Variants in LINGO2 observed in about 807,000 individuals in gnomAD.
LINGO2 encodes the protein leucine rich repeat and Ig domain containing 2.
In LINGO2, 14 loss-of-function variants were observed where a neutral mutation model predicts 30.6. The observed-to-expected ratio is 0.46, with a 90% CI of 0.30 to 0.72. The LOEUF (loss-of-function observed/expected upper bound fraction) is 0.72. LINGO2 is among the 30% of genes least tolerant of loss of function. The pLI is 0.07. For synonymous variants in LINGO2, 317 were observed against 288.5 expected (o/e 1.10, Z -1.00); for missense variants, 729 against 751.7 (o/e 0.97, Z 0.35).
the LINGO2 span, among the ~76,000 whole-genome samples, chr9:29,156,567 A>C: frequency 6.6e-6 from 1 of 152,118 alleles, no homozygotes. Flanking sequence ...AGTATCAATA[A>C]ATAAGGCTAA....
chr9:28,633,076 T>G (rs1163342999), intron 1 of LINGO2, among the ~76,000 whole-genome samples: 1 of 151,500 alleles, frequency 6.6e-6, no homozygotes, highest in Non-Finnish European at 1.5e-5. Context: ...AGGAGAAAGA[T>G]GTAGACTAGG....
At chr9:27,977,350 A>G (rs1338540151) in intron 5 of LINGO2, among the ~76,000 whole-genome samples, 1 of 151,844 alleles carries the variant, frequency 6.6e-6, no homozygotes, top group African/African-American at 2.4e-5. Context: ...TTTTTGGATG[A>G]CTAATTAATT....
intron 4 of LINGO2, among the ~76,000 whole-genome samples, chr9:28,061,718 A>C (rs1825150343): frequency 6.6e-6 from 1 of 152,064 alleles, no homozygotes; most frequent in South Asian, 2.1e-4. Flanking sequence ...TTTTTCACTC[A>C]AGCTTCCTGA....
At chr9:29,140,567 T>C in the LINGO2 span, among the ~76,000 whole-genome samples, 1 of 151,576 alleles carries the variant, frequency 6.6e-6, no homozygotes, top group African/African-American at 2.4e-5. Context: ...GTATATATTA[T>C]GGAAGTCTCA....
At chr9:28,183,118 G>T (rs981753723) in intron 4 of LINGO2, among the ~76,000 whole-genome samples, 1 of 152,168 alleles carries the variant, frequency 6.6e-6, no homozygotes, top group Non-Finnish European at 1.5e-5. Context: ...AGAATACTGT[G>T]CAGCCATAAA....
the LINGO2 span, among the ~76,000 whole-genome samples, chr9:28,704,660 A>C: frequency 6.6e-6 from 1 of 151,884 alleles, no homozygotes; most frequent in Non-Finnish European, 1.5e-5. Flanking sequence ...TCAAGCTGAG[A>C]GATTCTTCAA....
chr9:28,407,707 G>T (rs74606835), intron 2 of LINGO2, among the ~76,000 whole-genome samples: 4,349 of 152,198 alleles, frequency 0.029, 146 homozygotes, highest in East Asian at 0.093. Flanking sequence ...GGAGAGAATG[G>T]TTCTATTTCA....
At chr9:28,845,577 T>C in the LINGO2 span, among the ~76,000 whole-genome samples, 1 of 151,802 alleles carries the variant, frequency 6.6e-6, no homozygotes, top group Non-Finnish European at 1.5e-5. Flanking sequence ...TGTGGGGAAG[T>C]GAAGAGATAA....
intron 1 of LINGO2, among the ~76,000 whole-genome samples, chr9:28,588,822 T>C (rs753150120): frequency 2.0e-5 from 3 of 152,034 alleles, no homozygotes; most frequent in African/African-American, 7.2e-5. Context: ...TTTCAAGAAC[T>C]TGTGGCAACT....
rs1823879146 is a variant in LINGO2, at chr9:28,574,893, G to A, written c.-365+95307C>T. 2.0e-5 allele frequency among the ~76,000 whole-genome samples: 3 copies of A among 152,220 alleles called. No homozygotes were observed. The South Asian group carries it at 6.2e-4, about 32-fold the overall frequency. On this transcript the variant is annotated intron_variant, in intron 1 of 5. Coordinates refer to ENST00000379992, the Ensembl canonical transcript of LINGO2. ...GTTTGTTCCATGATCTTTAAACCCTGTTTTTCAAATTTAAAATGCATTGCA... is the reference window on the plus strand; with the variant it reads ...GTTTGTTCCATGATCTTTAAACCCTATTTTTCAAATTTAAAATGCATTGCA...
intron 4 of LINGO2, among the ~76,000 whole-genome samples, chr9:28,135,533 A>G (rs1350517028): frequency 6.6e-6 from 1 of 151,784 alleles, no homozygotes; most frequent in East Asian, 1.9e-4. Flanking sequence ...TTCAAAACAG[A>G]AAAAATCCTC....
At chr9:28,516,097 C>T (rs573553084) in intron 1 of LINGO2, among the ~76,000 whole-genome samples, 3 of 152,258 alleles carry the variant, frequency 2.0e-5, no homozygotes, top group East Asian at 1.9e-4. Context: ...ATGGTATATA[C>T]ATTTTTAAGG....
chr9:27,976,923 A>AT (rs960320817), intron 5 of LINGO2, among the ~76,000 whole-genome samples: 39 of 151,354 alleles, frequency 2.6e-4, no homozygotes, highest in African/African-American at 7.5e-4. Flanking sequence ...CTTTCTGTGT[A>AT]TTTTTTTTTA....
chr9:28,138,992 T>C (rs781455602), intron 4 of LINGO2, among the ~76,000 whole-genome samples: 1 of 152,212 alleles, frequency 6.6e-6, no homozygotes, highest in Non-Finnish European at 1.5e-5. Context: ...CTCCCTCCAC[T>C]ATCAGTAAGT....
chr9:28,373,090 T>G (rs865788939), intron 2 of LINGO2, among the ~76,000 whole-genome samples: 14 of 152,124 alleles, frequency 9.2e-5, no homozygotes, highest in African/African-American at 3.4e-4. Context: ...TTGTCATAAT[T>G]TGCTTTTTAA....
chr9:27,980,573 A>G (rs1035145820), intron 5 of LINGO2, among the ~76,000 whole-genome samples: 1 of 151,986 alleles, frequency 6.6e-6, no homozygotes, highest in Admixed American at 6.6e-5. Context: ...AACCATCTTT[A>G]TTAAGCAGAT....
the LINGO2 span, among the ~76,000 whole-genome samples, chr9:28,748,824 G>C: frequency 6.6e-6 from 1 of 151,790 alleles, no homozygotes; most frequent in Non-Finnish European, 1.5e-5. Flanking sequence ...CAAAAATAAA[G>C]ATGTAAAATA....
intron 4 of LINGO2, among the ~76,000 whole-genome samples, chr9:28,274,611 T>C (rs187320961): frequency 6.6e-6 from 1 of 152,338 alleles, no homozygotes; most frequent in East Asian, 1.9e-4. Flanking sequence ...TTCAGTAGAA[T>C]GTTATTTCTT....
intron 4 of LINGO2, among the ~76,000 whole-genome samples, chr9:28,192,914 A>T (rs1272476277): frequency 1.3e-5 from 2 of 152,156 alleles, no homozygotes; most frequent in African/African-American, 4.8e-5. Context: ...CACAAGATAA[A>T]ATAATTTCAA....
Sources: gnomAD v4.1 joint callset for allele counts (sites outside exome capture counted in the v4.1 genomes callset) on GRCh38, gnomAD v4.1.1 for gene constraint, MANE v1.5 for transcripts, NCBI Gene and HGNC (gene_info 2026-07-23, HGNC 2026-07-21) for gene names.